The following MGST1 variants were observed in gnomAD, a reference collection of about 807,000 sequenced individuals.
The protein encoded by MGST1 is glutathione S-transferase 12.
In MGST1, 5 loss-of-function variants were observed where a neutral mutation model predicts 8.9. The ratio of observed to expected loss-of-function variants is 0.56; its 90% CI spans 0.29 to 1.19. The LOEUF is 1.19. Ranked by LOEUF, MGST1 falls within the 50% of genes most tolerant of loss-of-function variation. The pLI is 0.08. For synonymous variants in MGST1, 54 were observed against 67.8 expected (o/e 0.80, Z 1.00); for missense variants, 182 against 187.4 (o/e 0.97, Z 0.17).
At chr12:16,522,907 A>C (rs1941657333) in intron 4 of MGST1, among the ~76,000 whole-genome samples, 3 of 152,066 alleles carry the variant, frequency 2.0e-5, no homozygotes, top group Admixed American at 2.0e-4. Context: ...TGCCTCATCT[A>C]TACACCTGAA....
intron 4 of MGST1, chr12:16,573,814 A>C (rs1007946540): frequency 6.6e-6 from 1 of 152,184 alleles, no homozygotes; most frequent in Non-Finnish European, 1.5e-5. Flanking sequence ...ATCCTGCTTT[A>C]CCACGTTAAG....
chr12:16,412,305 A>G (rs867927484), intron 1 of MGST1, among the ~76,000 whole-genome samples: 2 of 144,438 alleles, frequency 1.4e-5, no homozygotes, highest in African/African-American at 5.3e-5. Context: ...GTTTCCAAAC[A>G]TGGTAGATAG....
intron 1 of MGST1, among the ~76,000 whole-genome samples, chr12:16,421,885 C>CAAAGTGGCTGTTCT (rs1940839149): frequency 6.6e-6 from 1 of 152,136 alleles, no homozygotes; most frequent in Non-Finnish European, 1.5e-5. Context: ...TAGCCTGACA[C>CAAAGTGGCTGTTCT]AAAGTGGCTG....
At chr12:16,432,124 C>T (rs1276094989) in intron 1 of MGST1, among the ~76,000 whole-genome samples, 1 of 152,066 alleles carries the variant, frequency 6.6e-6, no homozygotes, top group Non-Finnish European at 1.5e-5. Flanking sequence ...ATTACTTTGC[C>T]TATGAGTTCA....
chr12:16,488,483 C>T (rs116178188), intron 4 of MGST1, among the ~76,000 whole-genome samples: 78 of 152,238 alleles, frequency 5.1e-4, no homozygotes, highest in African/African-American at 1.8e-3. Flanking sequence ...TTCCCCATTG[C>T]GTTAGCCCAC....
chr12:16,527,131 C>T (rs1424189267), intron 4 of MGST1, among the ~76,000 whole-genome samples: 2 of 151,924 alleles, frequency 1.3e-5, no homozygotes, highest in Non-Finnish European at 2.9e-5. Context: ...CAGTTTGACC[C>T]ATCTTAAATG....
chr12:16,470,514 C>T (rs922995615), intron 4 of MGST1, among the ~76,000 whole-genome samples: 1 of 152,154 alleles, frequency 6.6e-6, no homozygotes, highest in Non-Finnish European at 1.5e-5. Context: ...ACAGAAATCA[C>T]TGGTTTCGGG....
rs77909469 is a variant in MGST1 at position 16,492,990 on chromosome 12, C to T, written n.483-96538C>T. On this transcript the variant is annotated intron_variant and non_coding_transcript_variant, in intron 4 of 4. Coordinates refer to the MGST1 transcript ENST00000538857. ...CTGCACAATCAAAATATGCCATTACCCTAGGCACAGTAATTTTCTCCCCCG... is the reference window on the plus strand; with the variant it reads ...CTGCACAATCAAAATATGCCATTACTCTAGGCACAGTAATTTTCTCCCCCG... 8.2e-3 allele frequency among the ~76,000 whole-genome samples: 1,252 copies of T among 152,228 alleles called. 50 individuals are homozygous for T. The East Asian group carries it at 0.14, about 18-fold the overall frequency.
rs534708493 is a variant in MGST1, at chr12:16,583,406, C to T, written n.483-6122C>T. Among the ~76,000 whole-genome samples the T allele has an allele frequency of 2.6e-5, 4 of 152,030 alleles. No individual in the cohort carries two copies. The East Asian group carries it at 5.8e-4, about 22-fold the overall frequency. On this transcript the variant is annotated intron_variant and non_coding_transcript_variant, in intron 4 of 4. Coordinates refer to the MGST1 transcript ENST00000538857. Reference sequence around the variant, plus strand: ...TTACAGAACAGAAAAATCTTGGGTACAGCCATATGTTGACAGTCAAGTAAT... The same window carrying T: ...TTACAGAACAGAAAAATCTTGGGTATAGCCATATGTTGACAGTCAAGTAAT...
intron 4 of MGST1, among the ~76,000 whole-genome samples, chr12:16,532,424 T>C (rs1376218607): frequency 2.0e-5 from 3 of 152,234 alleles, no homozygotes; most frequent in Non-Finnish European, 4.4e-5. Flanking sequence ...AAACTTCAGA[T>C]TGGACTAAGG....
At position 16,514,203 on chromosome 12, in the gene MGST1, A is replaced by G. The variant is rs1256479075; in HGVS notation, n.483-75325A>G. 1.9e-5 allele frequency: 6 copies of G among 310,216 alleles called. No individual in the cohort carries two copies. The East Asian group carries it at 3.6e-4, about 19-fold the overall frequency. 19.2% of individuals were successfully genotyped at this position (310,216 alleles called of 1,614,324 possible). A position where few individuals can be genotyped will look rare whatever the true frequency, so the allele number is the denominator to read the frequency against. ...CAATTATACGCCATTGTCGCTGCCA[A>G]TCATACACCAAGAACATGGTCTTAC... On this transcript the variant is annotated intron_variant and non_coding_transcript_variant, in intron 4 of 4. Coordinates refer to the MGST1 transcript ENST00000538857.
chr12:16,515,704 C>T (rs141078400), intron 4 of MGST1, among the ~76,000 whole-genome samples: 10 of 152,052 alleles, frequency 6.6e-5, no homozygotes, highest in Admixed American at 2.6e-4. Context: ...TCACCCTTCT[C>T]GGCAAAGAAT....
chr12:16,513,283 T>C lies in MGST1; in HGVS notation n.483-76245T>C, dbSNP rs1333435475. Among the ~76,000 whole-genome samples, 1 of 152,232 alleles carries C rather than the reference T, an allele frequency of 6.6e-6. No homozygotes were observed. Among genetic ancestry groups the C allele is most frequent in the Non-Finnish European group, 1.5e-5 (1 of 68,042 alleles). On this transcript the variant is annotated intron_variant and non_coding_transcript_variant, in intron 4 of 4. Coordinates refer to the MGST1 transcript ENST00000538857. This position sits in a 1 kb window ranked among gnomAD's most constrained non-coding sequence, Gnocchi z 4.2. ...TATTTCCTGTTTTAGCTCTCCCTGC[T>C]TACTCTGATTCTCTCCACATTTCCC...
At chr12:16,499,257 A>AAATC (rs1342539570) in intron 4 of MGST1, among the ~76,000 whole-genome samples, 1 of 152,240 alleles carries the variant, frequency 6.6e-6, no homozygotes. Context: ...CACTTCGAAT[A>AAATC]GCTATTTGCA....
intron 1 of MGST1, among the ~76,000 whole-genome samples, chr12:16,386,228 A>T (rs1380578634): frequency 6.6e-6 from 1 of 152,200 alleles, no homozygotes; most frequent in Non-Finnish European, 1.5e-5. Context: ...TCCCATTGCC[A>T]CTAGATGTCC....
At chr12:16,429,454 T>C (rs1024582644) in intron 1 of MGST1, among the ~76,000 whole-genome samples, 5 of 152,098 alleles carry the variant, frequency 3.3e-5, no homozygotes, top group Non-Finnish European at 5.9e-5. Flanking sequence ...TGTTGACTTC[T>C]GAGTTATTTC....
At chr12:16,542,329 T>C (rs1432152517) in intron 4 of MGST1, among the ~76,000 whole-genome samples, 2 of 152,204 alleles carry the variant, frequency 1.3e-5, no homozygotes, top group African/African-American at 4.8e-5. Context: ...AACTAGCAAG[T>C]TCTGCCACTC....
downstream of MGST1, among the ~76,000 whole-genome samples, chr12:16,381,768 G>C (rs1940455581): frequency 6.6e-6 from 1 of 152,106 alleles, no homozygotes; most frequent in Non-Finnish European, 1.5e-5. Context: ...TCACTTTCAG[G>C]TACACCAATC....
At chr12:16,573,045 T>C (rs933827149) in intron 4 of MGST1, among the ~76,000 whole-genome samples, 2 of 152,038 alleles carry the variant, frequency 1.3e-5, no homozygotes, top group African/African-American at 4.8e-5. Flanking sequence ...TGTGTTTCTC[T>C]ATCCAGATAC....
Sources: allele counts gnomAD v4.1 joint callset (sites outside exome capture counted in the v4.1 genomes callset), GRCh38; gene constraint gnomAD v4.1.1; non-coding constraint Gnocchi (gnomAD v3.1); transcripts MANE v1.5; gene names NCBI Gene and HGNC (gene_info 2026-07-23, HGNC 2026-07-21).